Variants in GOLPH3L observed in about 807,000 individuals in gnomAD.
GOLPH3L encodes golgi phosphoprotein 3 like, also known as Golgi phosphoprotein 3-like.
A neutral mutation model predicts 30.3 loss-of-function variants in GOLPH3L; 22 were observed. The ratio of observed to expected loss-of-function variants is 0.73; its 90% CI spans 0.52 to 1.04. The LOEUF is 1.04. GOLPH3L is among the 50% of genes least tolerant of loss of function. The pLI is 0.00. For missense variants in GOLPH3L, 303 were observed against 345.8 expected (o/e 0.88, Z 0.98); for synonymous variants, 120 against 128.2 (o/e 0.94, Z 0.43).
At chr1:150,654,695 G>A (rs1172308592) in intron 4 of GOLPH3L, among the ~76,000 whole-genome samples, 2 of 152,130 alleles carry the variant, frequency 1.3e-5, no homozygotes, top group Admixed American at 1.3e-4. Context: ...GTTCCAAACC[G>A]GGGCATTTCC....
chr1:150,693,913 G>A (rs1651281284), intron 2 of GOLPH3L, among the ~76,000 whole-genome samples: 1 of 122,910 alleles, frequency 8.1e-6, no homozygotes, highest in African/African-American at 3.1e-5. Context: ...AGGCTGGAGT[G>A]CAGTGGTGCA....
chr1:150,673,373 C>A (rs1319558736), intron 2 of GOLPH3L, among the ~76,000 whole-genome samples: 1 of 151,768 alleles, frequency 6.6e-6, no homozygotes, highest in Non-Finnish European at 1.5e-5. Context: ...ACCAGGGTGG[C>A]CAACATAGTG....
At chr1:150,676,732 C>T (rs1294128222) in intron 2 of GOLPH3L, among the ~76,000 whole-genome samples, 1 of 151,250 alleles carries the variant, frequency 6.6e-6, no homozygotes, top group African/African-American at 2.4e-5. Flanking sequence ...CAACCTCCGC[C>T]TCCCGGGTTC....
chr1:150,657,331 A>G (rs756306741), intron 4 of GOLPH3L, among the ~76,000 whole-genome samples: 25 of 152,258 alleles, frequency 1.6e-4, no homozygotes, highest in Non-Finnish European at 3.2e-4. Flanking sequence ...AATTTAACCC[A>G]TGTTAATGCC....
chr1:150,660,924 A>G (rs947723916), intron 4 of GOLPH3L, among the ~76,000 whole-genome samples: 3 of 152,178 alleles, frequency 2.0e-5, no homozygotes, highest in Admixed American at 6.5e-5. Context: ...ACACTTAAGA[A>G]TGGCTAAAAT....
chr1:150,669,777 C>T (rs1362809693), intron 2 of GOLPH3L, among the ~76,000 whole-genome samples: 1 of 152,096 alleles, frequency 6.6e-6, no homozygotes, highest in African/African-American at 2.4e-5. Context: ...GCCTGGCCAA[C>T]ATGATGAAAC....
chr1:150,663,127 C>T (rs1004414971), intron 3 of GOLPH3L, among the ~76,000 whole-genome samples: 1 of 151,870 alleles, frequency 6.6e-6, no homozygotes, highest in Non-Finnish European at 1.5e-5. Context: ...CTCCACCTTC[C>T]GGGTTCACGC....
chr1:150,647,480 G>C lies in GOLPH3L; in HGVS notation c.*841C>G, dbSNP rs1650003463. 6.7e-6 allele frequency: 1 copy of C among 150,370 alleles called. No individual in the cohort carries two copies. Among genetic ancestry groups the C allele is most frequent in the Non-Finnish European group, 1.5e-5 (1 of 68,038 alleles). The allele number at this position is 150,370 out of a possible 1,614,324, so 9.3% of individuals were successfully genotyped here. Reference sequence around the variant, plus strand: ...TGTACTCCTGCCTGGGCAAGAGCAAGACCCTGTCTCAAAAGAAAAAAAAAA... The same window carrying C: ...TGTACTCCTGCCTGGGCAAGAGCAACACCCTGTCTCAAAAGAAAAAAAAAA... On this transcript the variant is annotated 3_prime_UTR_variant, in exon 5 of 5. Coordinates refer to ENST00000271732, the MANE Select transcript of GOLPH3L (RefSeq NM_018178.6).
At chr1:150,657,679 C>G (rs1388278727) in intron 4 of GOLPH3L, among the ~76,000 whole-genome samples, 2 of 152,200 alleles carry the variant, frequency 1.3e-5, no homozygotes, top group Admixed American at 1.3e-4. Flanking sequence ...CCAGGCTATA[C>G]TAGCCAAGCT....
intron 2 of GOLPH3L, among the ~76,000 whole-genome samples, chr1:150,685,860 C>T (rs1651074204): frequency 6.8e-6 from 1 of 147,128 alleles, no homozygotes; most frequent in South Asian, 2.2e-4. Context: ...GTGAAACTTG[C>T]TTTGTAAGTA....
chr1:150,668,078 T>C (rs1650550983), intron 2 of GOLPH3L, among the ~76,000 whole-genome samples: 1 of 152,246 alleles, frequency 6.6e-6, no homozygotes, highest in African/African-American at 2.4e-5. Context: ...GATTAGGTTC[T>C]GCACCTGGGT....
chr1:150,650,637 T>C (rs1270901222), intron 4 of GOLPH3L, among the ~76,000 whole-genome samples: 1 of 152,124 alleles, frequency 6.6e-6, no homozygotes, highest in Non-Finnish European at 1.5e-5. Context: ...AGGTTGCATG[T>C]TCCTTGTGAG....
intron 2 of GOLPH3L, among the ~76,000 whole-genome samples, chr1:150,681,172 T>C (rs1650938591): frequency 6.6e-6 from 1 of 152,074 alleles, no homozygotes; most frequent in Admixed American, 6.6e-5. Flanking sequence ...AATTAGTTAA[T>C]CTAATCCTAC....
rs1649978773 is a variant in GOLPH3L, at chr1:150,646,332, C to A, written c.*1989G>T. 1 of 152,258 alleles carries A rather than the reference C, an allele frequency of 6.6e-6. No homozygotes were observed. The highest frequency in any genetic ancestry group is 1.5e-5 in the Non-Finnish European group (1 of 68,008). The allele number at this position is 152,258 out of a possible 1,614,324, so 9.4% of individuals were successfully genotyped here. ...TTATGCAGATTCAAACTGAAGGTAT[C>A]CTCGTCTTACTGAGATATAAAAATA... is the stretch of plus-strand genomic sequence containing the variant. On this transcript the variant is annotated 3_prime_UTR_variant, in exon 5 of 5. Transcript: ENST00000271732.
At chr1:150,671,760 C>T (rs999843161) in intron 2 of GOLPH3L, among the ~76,000 whole-genome samples, 3 of 140,554 alleles carry the variant, frequency 2.1e-5, no homozygotes, top group Admixed American at 7.6e-5. Context: ...GAGCCGAGAT[C>T]GCACCACTGC....
Position 150,649,314 on chromosome 1 carries a change from TAGG to T in GOLPH3L, c.431-569_431-567del, listed in dbSNP as rs201661043. On this transcript the variant is annotated intron_variant, in intron 4 of 4. Transcript: ENST00000271732. ...CTCATACAGCAGGTGGGTATCACTG[TAGG>T]AGAAGTGGGCCCTTGTGCAGAAGTT... is the stretch of plus-strand genomic sequence containing the variant. 2.0e-5 allele frequency among the ~76,000 whole-genome samples: 3 copies of T among 152,306 alleles called. No individual in the cohort carries two copies. In the East Asian group the frequency reaches 5.8e-4, roughly 29 times the overall value.
chr1:150,681,742 A>G (rs776594279), intron 2 of GOLPH3L, among the ~76,000 whole-genome samples: 2 of 152,168 alleles, frequency 1.3e-5, no homozygotes, highest in African/African-American at 2.4e-5. Context: ...CTACAAAATG[A>G]TATGTCTGAT....
At chr1:150,685,247 C>T (rs1463616839) in intron 2 of GOLPH3L, among the ~76,000 whole-genome samples, 1 of 152,008 alleles carries the variant, frequency 6.6e-6, no homozygotes, top group Non-Finnish European at 1.5e-5. Flanking sequence ...ATTATTGATG[C>T]CTAGTTAATG....
At chr1:150,667,521 G>A (rs1376252575) in intron 2 of GOLPH3L, among the ~76,000 whole-genome samples, 3 of 151,996 alleles carry the variant, frequency 2.0e-5, no homozygotes, top group Admixed American at 1.3e-4. Flanking sequence ...GGAACACAGC[G>A]AGACCTTGTC....
Sources: gnomAD v4.1 joint callset for allele counts (sites outside exome capture counted in the v4.1 genomes callset) on GRCh38, gnomAD v4.1.1 for gene constraint, MANE v1.5 for transcripts, NCBI Gene and HGNC (gene_info 2026-07-23, HGNC 2026-07-21) for gene names.